The following TAMM41 variants were observed in gnomAD, a reference collection of about 807,000 sequenced individuals.
TAMM41 encodes the protein phosphatidate cytidylyltransferase, mitochondrial.
A neutral mutation model predicts 44.1 loss-of-function variants in TAMM41; 36 were observed. That is an observed-to-expected ratio of 0.82 (90% CI 0.63 to 1.08). The LOEUF (loss-of-function observed/expected upper bound fraction) is 1.08, where lower values mean the gene tolerates loss of function less well. TAMM41 is among the 50% of genes least tolerant of loss of function. The pLI, the probability that TAMM41 is intolerant of heterozygous loss-of-function variation, is 0.00. For missense variants in TAMM41, 417 were observed against 404.3 expected (o/e 1.03, Z -0.27); for synonymous variants, 164 against 153.1 (o/e 1.07, Z -0.53).
the TAMM41 span, among the ~76,000 whole-genome samples, chr3:11,766,987 C>T: frequency 6.6e-6 from 1 of 152,190 alleles, no homozygotes; most frequent in East Asian, 1.9e-4. Context: ...CCACTGGTAA[C>T]ATTTTGCAAT....
chr3:11,754,451 G>A, the TAMM41 span, among the ~76,000 whole-genome samples: 2 of 152,042 alleles, frequency 1.3e-5, no homozygotes, highest in African/African-American at 4.8e-5. Flanking sequence ...ATGGCTTACT[G>A]CAGCCTCGAC....
At chr3:11,773,494 T>C in the TAMM41 span, among the ~76,000 whole-genome samples, 9 of 152,042 alleles carry the variant, frequency 5.9e-5, no homozygotes. Flanking sequence ...GTGCTAGGAT[T>C]ACAGGCGTGA....
chr3:11,808,651 T>C lies in TAMM41; in HGVS notation c.875-756A>G, dbSNP rs947536620. 4.1e-6 allele frequency: 4 copies of C among 978,156 alleles called. No individual in the cohort carries two copies. In the Admixed American group the frequency reaches 2.5e-4, roughly 60 times the overall value. 60.6% of individuals were successfully genotyped at this position (978,156 alleles called of 1,614,324 possible). A position where few individuals can be genotyped will look rare whatever the true frequency, so the allele number is the denominator to read the frequency against. On this transcript the variant is annotated intron_variant, in intron 6 of 7. Coordinates refer to ENST00000455809, the MANE Select transcript of TAMM41 (RefSeq NM_001284401.2). ...CATTCTCAATTTCATAAATATTTCT[T>C]GATTGACTGATCTCATAAATTACCT...
chr3:11,754,842 G>A, the TAMM41 span, among the ~76,000 whole-genome samples: 34 of 151,486 alleles, frequency 2.2e-4, no homozygotes, highest in Non-Finnish European at 8.8e-5. Flanking sequence ...GGGATCACAG[G>A]CATGAGCCAC....
At chr3:11,738,605 G>A in the TAMM41 span, among the ~76,000 whole-genome samples, 71 of 152,256 alleles carry the variant, frequency 4.7e-4, no homozygotes, top group South Asian at 7.3e-3. Context: ...GGGAGTTGCT[G>A]TATCCGAGGG....
intron 7 of TAMM41, among the ~76,000 whole-genome samples, chr3:11,804,999 T>TCG (rs1375760383): frequency 1.8e-5 from 2 of 112,300 alleles, no homozygotes; most frequent in African/African-American, 9.4e-5. Flanking sequence ...CCCAGCCCTT[T>TCG]TTTTTTTTTT....
intron 5 of TAMM41, among the ~76,000 whole-genome samples, chr3:11,812,456 G>A (rs2078117646): frequency 6.6e-6 from 1 of 152,080 alleles, no homozygotes; most frequent in Non-Finnish European, 1.5e-5. Flanking sequence ...AGAAGACATG[G>A]GCCTGGGGAC....
the TAMM41 span, among the ~76,000 whole-genome samples, chr3:11,782,496 G>A: frequency 6.6e-6 from 1 of 150,600 alleles, no homozygotes; most frequent in Non-Finnish European, 1.5e-5. Flanking sequence ...GCAGTAAGCT[G>A]AGATTGTGCC....
intron 7 of TAMM41, among the ~76,000 whole-genome samples, chr3:11,801,317 G>A (rs1022515984): frequency 6.6e-6 from 1 of 150,880 alleles, no homozygotes; most frequent in African/African-American, 2.5e-5. Flanking sequence ...TTAATCACTG[G>A]GTTAATGAAG....
chr3:11,830,885 A>AC (rs1281199750), intron 3 of TAMM41: 1 of 151,510 alleles, frequency 6.6e-6, no homozygotes, highest in Non-Finnish European at 1.5e-5. Flanking sequence ...CTGTCTCAAA[A>AC]AAAAAAAAAA....
At chr3:11,784,622 T>A in the TAMM41 span, among the ~76,000 whole-genome samples, 1 of 152,296 alleles carries the variant, frequency 6.6e-6, no homozygotes, top group East Asian at 1.9e-4. Context: ...TCAACTATTT[T>A]CTATGAGGAG....
At chr3:11,749,663 A>T in the TAMM41 span, among the ~76,000 whole-genome samples, 4 of 152,340 alleles carry the variant, frequency 2.6e-5, no homozygotes, top group East Asian at 7.7e-4. Context: ...CACAAACACA[A>T]CGTGCAATGA....
chr3:11,791,030 G>A (rs1053090328), intron 7 of TAMM41, among the ~76,000 whole-genome samples: 4 of 152,118 alleles, frequency 2.6e-5, no homozygotes, highest in Admixed American at 6.5e-5. Flanking sequence ...TTTCTGCCTC[G>A]TTGACTTGGA....
chr3:11,756,683 T>C, the TAMM41 span, among the ~76,000 whole-genome samples: 158 of 151,942 alleles, frequency 1.0e-3, no homozygotes, highest in African/African-American at 3.5e-3. Flanking sequence ...CTGACCAACA[T>C]GGAGAAACCC....
chr3:11,750,005 T>A, the TAMM41 span, among the ~76,000 whole-genome samples: 17 of 151,650 alleles, frequency 1.1e-4, no homozygotes, highest in African/African-American at 3.9e-4. Context: ...CATGTTATTC[T>A]CCTGCCTCAG....
the TAMM41 span, among the ~76,000 whole-genome samples, chr3:11,729,286 C>T: frequency 0.054 from 8,278 of 151,890 alleles, 745 homozygotes; most frequent in African/African-American, 0.19. Flanking sequence ...TTTCACTGGG[C>T]TGGGACGGGA....
the TAMM41 span, among the ~76,000 whole-genome samples, chr3:11,782,609 T>C: frequency 1.3e-5 from 2 of 151,886 alleles, no homozygotes; most frequent in Admixed American, 6.6e-5. Context: ...AGGATAAGGA[T>C]TAAGTGAGGC....
chr3:11,727,882 GT>G, the TAMM41 span, among the ~76,000 whole-genome samples: 1 of 151,388 alleles, frequency 6.6e-6, no homozygotes, highest in Non-Finnish European at 1.5e-5. Flanking sequence ...CGCCTCCCGG[GT>G]TCAAGTGATT....
chr3:11,743,306 T>C, the TAMM41 span, among the ~76,000 whole-genome samples: 1 of 151,612 alleles, frequency 6.6e-6, no homozygotes, highest in South Asian at 2.1e-4. Context: ...TCTCTGGCCC[T>C]TTCAGAGATG....
Sources: allele counts gnomAD v4.1 joint callset (sites outside exome capture counted in the v4.1 genomes callset), GRCh38; gene constraint gnomAD v4.1.1; transcripts MANE v1.5; gene names NCBI Gene and HGNC (gene_info 2026-07-23, HGNC 2026-07-21).